DMD: variants seen among roughly 807,000 people sequenced by gnomAD.
DMD encodes dystrophin.
DMD carries 63 observed loss-of-function variants against 330.1 expected under a neutral mutation model. That is an observed-to-expected ratio of 0.19 (90% CI 0.16 to 0.24). The LOEUF is 0.24. Among genes scored for constraint, DMD ranks in the 10% least tolerant of loss-of-function variants. The pLI is 1.00. For missense variants in DMD, 3,344 were observed against 2,684.1 expected (o/e 1.25, Z -5.43); for synonymous variants, 1,223 against 959.8 (o/e 1.27, Z -5.07).
In DMD at chrX:32,410,926, C is replaced by T. The variant is rs775391082; in HGVS notation, c.4233+826G>A. ...AACAGGTAAACACGTTTTATATTTT[C>T]GTTTGAATGAAGCATGGGAGTGAGT... is the stretch of plus-strand genomic sequence containing the variant. On this transcript the variant is annotated intron_variant, in intron 30 of 78. Transcript: ENST00000357033. Among the ~76,000 whole-genome samples, 9 of 111,359 alleles carry T rather than the reference C, an allele frequency of 8.1e-5. No individual in the cohort carries two copies. The East Asian group carries it at 2.5e-3, about 31-fold the overall frequency.
At chrX:31,670,910 CCTT>C (rs1173554079) in intron 53 of DMD, among the ~76,000 whole-genome samples, 2 of 107,640 alleles carry the variant, frequency 1.9e-5, no homozygotes, top group Admixed American at 9.8e-5. Context: ...ATCCACAAAA[CCTT>C]CTTTTTTTTT....
At chrX:32,017,350 G>A (rs945204112) in intron 44 of DMD, among the ~76,000 whole-genome samples, 1 of 112,155 alleles carries the variant, frequency 8.9e-6, no homozygotes, top group Non-Finnish European at 1.9e-5. Context: ...TGGAAGCTCT[G>A]CTCAAAGTAT....
chrX:31,325,906 C>A (rs1172178374), intron 61 of DMD, among the ~76,000 whole-genome samples: 4 of 109,637 alleles, frequency 3.6e-5, no homozygotes, highest in African/African-American at 1.3e-4. Flanking sequence ...TTAAAGGTAT[C>A]TATGGGCTGA....
intron 1 of DMD, chrX:33,041,262 A>G (rs2094294360): frequency 1.7e-6 from 1 of 575,976 alleles, no homozygotes; most frequent in Non-Finnish European, 2.8e-6. Flanking sequence ...ATTTATTATA[A>G]AAACTCCTTA....
At chrX:32,982,275 A>G (rs1364289589) in intron 2 of DMD, among the ~76,000 whole-genome samples, 1 of 111,640 alleles carries the variant, frequency 9.0e-6, no homozygotes, top group East Asian at 2.8e-4. Context: ...TTGCTCATCC[A>G]TTCCAAGTAA....
At chrX:32,061,243 G>A (rs1177267155) in intron 44 of DMD, among the ~76,000 whole-genome samples, 2 of 110,750 alleles carry the variant, frequency 1.8e-5, no homozygotes, top group African/African-American at 3.3e-5. Flanking sequence ...AGGTGGGTCA[G>A]GCTAGTACAT....
intron 59 of DMD, 81 bp from the exon 60 acceptor site, chrX:31,444,708 A>G (rs2065162490): frequency 9.8e-7 from 1 of 1,020,372 alleles, no homozygotes; most frequent in African/African-American, 1.9e-5. Context: ...TATTCTCTTT[A>G]GGGTGCAGTG....
intron 59 of DMD, among the ~76,000 whole-genome samples, chrX:31,456,468 G>A (rs1429745291): frequency 3.6e-5 from 4 of 111,801 alleles, no homozygotes; most frequent in Non-Finnish European, 5.6e-5. Flanking sequence ...CCTTATAAAC[G>A]TCTCCTCGAA....
chrX:31,174,757 T>C (rs1053419317), intron 71 of DMD, among the ~76,000 whole-genome samples: 4 of 111,805 alleles, frequency 3.6e-5, no homozygotes, highest in Non-Finnish European at 5.7e-5. Context: ...TAGCTAAGCT[T>C]GCATTAGAAA....
intron 65 of DMD, among the ~76,000 whole-genome samples, chrX:31,207,904 G>T (rs763988577): frequency 9.0e-6 from 1 of 111,141 alleles, no homozygotes; most frequent in Admixed American, 9.5e-5. Context: ...AGGCATAAAT[G>T]GGTTAATACC....
intron 16 of DMD, among the ~76,000 whole-genome samples, chrX:32,557,188 T>A (rs1015149045): frequency 9.0e-6 from 1 of 111,602 alleles, no homozygotes; most frequent in African/African-American, 3.2e-5. Flanking sequence ...TAGCAAAGCA[T>A]AGATATAAAT....
In DMD at chrX:32,635,135, C is replaced by G. The variant is rs756448023; in HGVS notation, c.1331+8997G>C. On this transcript the variant is annotated intron_variant, in intron 11 of 78. Coordinates refer to ENST00000357033, the MANE Select transcript of DMD (RefSeq NM_004006.3). ...ACTGTGACAGGGCAGCACTGATTTT[C>G]AATGCAAAGTCCTATAATCACTGCA... Among the ~76,000 whole-genome samples the G allele has an allele frequency of 8.1e-5, 9 of 111,384 alleles. No individual in the cohort carries two copies. The South Asian group carries it at 2.6e-3, about 33-fold the overall frequency.
chrX:33,071,726 T>C (rs983347708), intron 1 of DMD, among the ~76,000 whole-genome samples: 2 of 111,724 alleles, frequency 1.8e-5, no homozygotes, highest in Non-Finnish European at 3.8e-5. Context: ...CAGTTTTACT[T>C]ACGCCATTAA....
intron 48 of DMD, 78 bp from the exon 49 acceptor site, chrX:31,836,897 A>G (rs2093211530): frequency 7.0e-6 from 6 of 853,829 alleles, no homozygotes. Context: ...ATACCCTTGG[A>G]GACTCCACAT....
rs1260810559 is a variant in DMD, at chrX:31,739,525, T to G, written c.7543-9777A>C. Among the ~76,000 whole-genome samples the G allele has an allele frequency of 4.5e-5, 5 of 110,839 alleles. No homozygotes were observed. The Admixed American group carries it at 4.8e-4, about 11-fold the overall frequency. On this transcript the variant is annotated intron_variant, in intron 51 of 78. Coordinates refer to ENST00000357033, the MANE Select transcript of DMD (RefSeq NM_004006.3). Reference sequence around the variant, plus strand: ...TTAAAAAAACTCTTAAGCCTAGCACTGCATGTTCTCACTCGTAAGTGGGAA... The same window carrying G: ...TTAAAAAAACTCTTAAGCCTAGCACGGCATGTTCTCACTCGTAAGTGGGAA...
At chrX:32,452,547 T>C (rs1169240272) in intron 26 of DMD, among the ~76,000 whole-genome samples, 4 of 105,505 alleles carry the variant, frequency 3.8e-5, no homozygotes, top group African/African-American at 1.4e-4. Flanking sequence ...TAGAATAAAA[T>C]ACCTTCAATC....
At chrX:33,312,192 C>T (rs1173603729) in intron 1 of DMD, among the ~76,000 whole-genome samples, 5 of 110,439 alleles carry the variant, frequency 4.5e-5, no homozygotes, top group East Asian at 2.9e-4. Context: ...TGAGAAAACA[C>T]GGGTTTGAAC....
At chrX:32,708,983 C>T (rs895993969) in intron 7 of DMD, among the ~76,000 whole-genome samples, 17 of 112,036 alleles carry the variant, frequency 1.5e-4, no homozygotes, top group Admixed American at 1.4e-3. Context: ...ACGAACATCA[C>T]GCATTTGTGT....
At chrX:31,598,995 C>T (rs1282011969) in intron 55 of DMD, among the ~76,000 whole-genome samples, 1 of 111,447 alleles carries the variant, frequency 9.0e-6, no homozygotes, top group Non-Finnish European at 1.9e-5. Context: ...TAACAAAATA[C>T]AAAATTGAAG....
Sources: gnomAD v4.1 joint callset for allele counts (sites outside exome capture counted in the v4.1 genomes callset) on GRCh38, gnomAD v4.1.1 for gene constraint, MANE v1.5 for transcripts, NCBI Gene and HGNC (gene_info 2026-07-23, HGNC 2026-07-21) for gene names.